The following BRD7 variants were observed in gnomAD, a reference collection of about 807,000 sequenced individuals.
The protein encoded by BRD7 is bromodomain containing 7.
A neutral mutation model predicts 82.1 loss-of-function variants in BRD7; 15 were observed. The ratio of observed to expected loss-of-function variants is 0.18; its 90% CI spans 0.12 to 0.28. BRD7 has a LOEUF of 0.28. Among genes scored for constraint, BRD7 ranks in the 10% least tolerant of loss-of-function variants. BRD7 has a pLI of 1.00. For missense variants in BRD7, 638 were observed against 779.9 expected (o/e 0.82, Z 2.17); for synonymous variants, 232 against 266.9 (o/e 0.87, Z 1.27).
chr16:50,350,247 GA>G, intron 4 of BRD7, 80 bp from the exon 5 acceptor site: 1 of 1,095,168 alleles, frequency 9.1e-7, no homozygotes, highest in Non-Finnish European at 1.2e-6. Flanking sequence ...GAAGTCAGAG[GA>G]AACCCTTCAG....
chr16:50,346,259 C>T (rs2038278650), intron 5 of BRD7, among the ~76,000 whole-genome samples: 1 of 152,188 alleles, frequency 6.6e-6, no homozygotes, highest in South Asian at 2.1e-4. Flanking sequence ...CTCTGGGACA[C>T]ATTTAAAGCA....
intron 5 of BRD7, chr16:50,349,356 T>C: frequency 3.0e-6 from 1 of 329,538 alleles, no homozygotes; most frequent in Non-Finnish European, 5.9e-6. Flanking sequence ...GTAACCAACC[T>C]GCACGTTGTG....
At chr16:50,365,746 T>C (rs904905867) in intron 2 of BRD7, among the ~76,000 whole-genome samples, 3 of 152,068 alleles carry the variant, frequency 2.0e-5, no homozygotes, top group Admixed American at 6.5e-5. Flanking sequence ...TTTAGGGATG[T>C]TCCCTGAAGG....
chr16:50,334,863 G>T lies in BRD7; in HGVS notation c.735C>A (p.Asp245Glu), dbSNP rs2037730828. 6.2e-7 allele frequency: 1 copy of T among 1,613,996 alleles called. No individual in the cohort carries two copies. Among genetic ancestry groups the T allele is most frequent in the Non-Finnish European group, 8.5e-7 (1 of 1,180,018 alleles). The change falls in exon 7 of 17, where the codon GAC becomes GAA. Residue 245 changes from aspartate to glutamate, a missense_variant. Transcript: ENST00000394688. ...GAGTTTTCTGCAAGTCAGCCATGAAGTCTATGCTCTGCTTCAGGCTCTGAA... is the reference window on the plus strand; with the variant it reads ...GAGTTTTCTGCAAGTCAGCCATGAATTCTATGCTCTGCTTCAGGCTCTGAA... ...ERIQSLKQSI[D>E]FMADLQKTRK... is the part of the protein sequence containing the mutation.
chr16:50,368,142 C>T lies in BRD7; in HGVS notation c.206G>A (p.Gly69Glu), dbSNP rs752759466. 90 of 1,613,966 alleles carry T rather than the reference C, an allele frequency of 5.6e-5. No homozygotes were observed. Among genetic ancestry groups the T allele is most frequent in the Non-Finnish European group, 7.6e-5 (90 of 1,179,946 alleles). Residue 69 changes from glycine to glutamate, a missense_variant, in exon 2 of 17, where the codon GGA becomes GAA. Physicochemically the swap from Gly to Glu is moderately conservative, Grantham distance 98 (BLOSUM62 -2). Coordinates refer to ENST00000394688, the MANE Select transcript of BRD7 (RefSeq NM_013263.5). ...TTCTTCCCCTGGAATCTGCTTCTCT[C>T]CTTTCTTTCTCTTTTTCCGCTTTCT... ...KDRKRKKRKK[G>E]EKQIPGEEKG... is the part of the protein sequence containing the mutation.
intron 5 of BRD7, chr16:50,349,582 T>C (rs754045447): frequency 6.4e-6 from 3 of 470,416 alleles, no homozygotes; most frequent in South Asian, 3.1e-5. Context: ...TGTGAGTTAA[T>C]CAAAGCTCTT....
intron 5 of BRD7, among the ~76,000 whole-genome samples, chr16:50,344,935 C>T (rs1376243320): frequency 2.6e-5 from 4 of 152,020 alleles, no homozygotes; most frequent in Non-Finnish European, 4.4e-5. Flanking sequence ...AGATACTCCT[C>T]GAGAAGAGCA....
chr16:50,319,827 C>T, intron 16 of BRD7, 60 bp downstream of exon 16: 1 of 1,562,270 alleles, frequency 6.4e-7, no homozygotes, highest in Non-Finnish European at 8.6e-7. Context: ...CGGGCAGACA[C>T]TGAGGGATGA....
intron 2 of BRD7, among the ~76,000 whole-genome samples, chr16:50,355,964 T>C (rs191924010): frequency 6.2e-4 from 94 of 152,192 alleles, no homozygotes; most frequent in Non-Finnish European, 1.3e-3. Context: ...CATCTATAAA[T>C]CTATGCAAAA....
At chr16:50,364,830 G>A (rs989080146) in intron 2 of BRD7, among the ~76,000 whole-genome samples, 3 of 152,144 alleles carry the variant, frequency 2.0e-5, no homozygotes, top group Admixed American at 6.5e-5. Context: ...TAAAGATAAC[G>A]AATAAAACAA....
chr16:50,343,340 G>A (rs939566949), intron 5 of BRD7, among the ~76,000 whole-genome samples: 17 of 152,182 alleles, frequency 1.1e-4, no homozygotes, highest in African/African-American at 1.4e-4. Flanking sequence ...GTAGTGATAG[G>A]TTCCAAGGTG....
chr16:50,334,622 T>TC, intron 7 of BRD7, 89 bp downstream of exon 7: 1 of 1,460,704 alleles, frequency 6.8e-7, no homozygotes, highest in East Asian at 2.3e-5. Flanking sequence ...TAGCACTTGG[T>TC]CTTCCCAAGT....
At position 50,323,899 on chromosome 16, in the gene BRD7, G is replaced by A. The variant is rs147751177; in HGVS notation, c.1332-201C>T. On this transcript the variant is annotated intron_variant, in intron 11 of 16. Transcript: ENST00000394688. ...ATGAAGAACACAGTAAAAATAAAACGTTCCAAAGAAAAATGAAACCTCAGT... is the reference window on the plus strand; with the variant it reads ...ATGAAGAACACAGTAAAAATAAAACATTCCAAAGAAAAATGAAACCTCAGT... 6.4e-3 allele frequency among the ~76,000 whole-genome samples: 978 copies of A among 152,230 alleles called. 14 individuals are homozygous for A. The highest frequency in any genetic ancestry group is 0.022 in the African/African-American group (914 of 41,540).
At position 50,351,666 on chromosome 16, in the gene BRD7, C is replaced by T. The variant is rs556428918; in HGVS notation, c.447-1499G>A. ...AATCAAAACAGTGTGGCTCTGGGTT[C>T]TAATTCCCAATGTCTTTAGACTAAG... On this transcript the variant is annotated intron_variant, in intron 4 of 16. Transcript: ENST00000394688. 8.5e-5 allele frequency among the ~76,000 whole-genome samples: 13 copies of T among 152,312 alleles called. No homozygotes were observed. The South Asian group carries it at 2.5e-3, about 29-fold the overall frequency.
chr16:50,320,053 A>C, intron 15 of BRD7, 23 bp from the exon 16 acceptor site: 1 of 1,594,176 alleles, frequency 6.3e-7, no homozygotes, highest in South Asian at 1.1e-5. Context: ...ACAAAGTTCC[A>C]GATACTAAAG....
chr16:50,334,934 A>G, intron 6 of BRD7, 39 bp from the exon 7 acceptor site: 2 of 1,586,328 alleles, frequency 1.3e-6, no homozygotes, highest in Non-Finnish European at 1.7e-6. Context: ...TATGTTTGTC[A>G]TTAACTTTTA....
chr16:50,333,571 C>T lies in BRD7; in HGVS notation c.1011+3G>A. The T allele has an allele frequency of 6.2e-7, 1 of 1,611,300 alleles. No individual in the cohort carries two copies. The highest frequency in any genetic ancestry group is 8.5e-7 in the Non-Finnish European group (1 of 1,179,640). The stretch of plus-strand genomic sequence containing the variant: ...GAGAAAAGAAAAGGCAAAGCTCAAT[C>T]ACCTGACTGTTCACAAGCCGCCTGG... On this transcript the variant is annotated splice_donor_region_variant and intron_variant, in intron 8 of 16. Coordinates refer to ENST00000394688, the MANE Select transcript of BRD7 (RefSeq NM_013263.5).
chr16:50,352,447 T>C (rs1411832111), intron 4 of BRD7, among the ~76,000 whole-genome samples: 3 of 152,234 alleles, frequency 2.0e-5, no homozygotes, highest in Admixed American at 6.5e-5. Context: ...CATTCATCCA[T>C]TGATGGGCAC....
intron 6 of BRD7, among the ~76,000 whole-genome samples, chr16:50,337,637 ACTACT>A (rs758614906): frequency 6.6e-6 from 1 of 152,188 alleles, no homozygotes; most frequent in Admixed American, 6.5e-5. Context: ...ATGATGAGTG[ACTACT>A]CTACAATTTT....
Sources: allele counts gnomAD v4.1 joint callset (sites outside exome capture counted in the v4.1 genomes callset), GRCh38; gene constraint gnomAD v4.1.1; transcripts MANE v1.5; gene names NCBI Gene and HGNC (gene_info 2026-07-23, HGNC 2026-07-21).